Variants in CAMK2D observed in about 807,000 individuals in gnomAD.
CAMK2D encodes the protein calcium/calmodulin-dependent protein kinase type II subunit delta.
In CAMK2D, 37 loss-of-function variants were observed where a neutral mutation model predicts 84.0. The observed-to-expected ratio is 0.44, with a 90% CI of 0.34 to 0.58. CAMK2D has a LOEUF of 0.58. Among genes scored for constraint, CAMK2D ranks in the 20% least tolerant of loss-of-function variants. The pLI is 0.02. For missense variants in CAMK2D, 448 were observed against 652.5 expected, an observed-to-expected ratio of 0.69 and a Z score of 3.41; for synonymous variants, 202 against 212.5, an observed-to-expected ratio of 0.95 and a Z score of 0.43.
intron 5 of CAMK2D, chr4:113,548,599 TC>T (rs1298463465): frequency 1.2e-6 from 1 of 846,824 alleles, no homozygotes; most frequent in African/African-American, 1.7e-5. Context: ...CTCTGCCCTT[TC>T]CCCAGAAAAA....
intron 16 of CAMK2D, among the ~76,000 whole-genome samples, chr4:113,492,051 C>G (rs187887): frequency 7.0e-4 from 107 of 151,922 alleles, no homozygotes; most frequent in South Asian, 2.3e-3. Context: ...TATTAGTCTT[C>G]CTAGCGGTCT....
At position 113,503,164 on chromosome 4, in the gene CAMK2D, G is replaced by A. The variant is rs1475839245; in HGVS notation, c.1045-187C>T. The A allele has an allele frequency of 5.5e-6, 4 of 724,562 alleles. No homozygotes were observed. The Admixed American group carries it at 7.4e-5, about 13-fold the overall frequency. 44.9% of individuals were successfully genotyped at this position (724,562 alleles called of 1,614,324 possible). On this transcript the variant is annotated intron_variant, in intron 14 of 20. Transcript: ENST00000511664. ...TGAAAGATCTCCCTGGCGAGGCCAT[G>A]AGATAGGAACCTCCCTACCCAGAAG...
chr4:113,677,098 A>C (rs1202907169), intron 2 of CAMK2D, among the ~76,000 whole-genome samples: 1 of 152,188 alleles, frequency 6.6e-6, no homozygotes, highest in Non-Finnish European at 1.5e-5. Context: ...CTGCTGGAAT[A>C]CTAATCGCTC....
intron 2 of CAMK2D, among the ~76,000 whole-genome samples, chr4:113,701,499 T>C (rs995096056): frequency 6.6e-6 from 1 of 152,174 alleles, no homozygotes; most frequent in African/African-American, 2.4e-5. Flanking sequence ...GCCAAAGCAC[T>C]GGTCCAAGGA....
chr4:113,562,155 T>C (rs1332044262), intron 4 of CAMK2D, among the ~76,000 whole-genome samples: 2 of 152,234 alleles, frequency 1.3e-5, no homozygotes, highest in Non-Finnish European at 2.9e-5. Flanking sequence ...CTAGTCTGAA[T>C]AGCCATATTT....
intron 16 of CAMK2D, among the ~76,000 whole-genome samples, chr4:113,469,323 G>A (rs2097518655): frequency 6.6e-6 from 1 of 152,172 alleles, no homozygotes; most frequent in Admixed American, 6.5e-5. Context: ...ATTGCCCAAA[G>A]GTATGGAGTT....
chr4:113,691,480 C>T (rs1406692873), intron 2 of CAMK2D, among the ~76,000 whole-genome samples: 7 of 152,146 alleles, frequency 4.6e-5, no homozygotes, highest in African/African-American at 1.7e-4. Context: ...GTCAGGGGCA[C>T]AGTGGCTCAC....
In CAMK2D at chr4:113,535,004, C is replaced by T. The variant is rs570605600; in HGVS notation, c.517+2337G>A. The stretch of plus-strand genomic sequence containing the variant: ...ATAAAACATTAAGCTCAAAAACAGA[C>T]GAGATTTAAGGAGCTTGATTCCAAC... On this transcript the variant is annotated intron_variant, in intron 7 of 20. Transcript: ENST00000511664. 1.0e-3 allele frequency among the ~76,000 whole-genome samples: 157 copies of T among 152,206 alleles called. 1 individual carries two copies. Among genetic ancestry groups the T allele is most frequent in the African/African-American group, 3.2e-3 (133 of 41,544 alleles).
chr4:113,725,965 T>C (rs2099544573), intron 2 of CAMK2D, among the ~76,000 whole-genome samples: 1 of 152,214 alleles, frequency 6.6e-6, no homozygotes, highest in African/African-American at 2.4e-5. Flanking sequence ...GATGTTTGAA[T>C]ACTATGGTCA....
chr4:113,530,787 A>G (rs576378152), intron 8 of CAMK2D, among the ~76,000 whole-genome samples: 38 of 152,288 alleles, frequency 2.5e-4, no homozygotes, highest in African/African-American at 8.9e-4. Flanking sequence ...CACAACTGTG[A>G]GAAATAAATT....
chr4:113,553,391 TG>T (rs2098643471), intron 4 of CAMK2D, among the ~76,000 whole-genome samples: 1 of 152,228 alleles, frequency 6.6e-6, no homozygotes. Flanking sequence ...TAGAGCTTCA[TG>T]TATGAATACT....
chr4:113,457,738 A>G (rs1291950334), intron 18 of CAMK2D, among the ~76,000 whole-genome samples, 175 bp from the exon 19 acceptor site: 1 of 152,236 alleles, frequency 6.6e-6, no homozygotes, highest in Non-Finnish European at 1.5e-5. Context: ...CAAAGCAAAA[A>G]AAGAATGAAA....
At chr4:113,748,519 T>C (rs907859397) in intron 2 of CAMK2D, among the ~76,000 whole-genome samples, 3 of 152,092 alleles carry the variant, frequency 2.0e-5, no homozygotes, top group Admixed American at 1.3e-4. Flanking sequence ...AGAATGTCTA[T>C]AATAGTGCCA....
At chr4:113,478,310 TGTA>T (rs1344349383) in intron 16 of CAMK2D, among the ~76,000 whole-genome samples, 1 of 152,190 alleles carries the variant, frequency 6.6e-6, no homozygotes, top group Non-Finnish European at 1.5e-5. Context: ...GTTACAAAAT[TGTA>T]GTACAGATTT....
At chr4:113,696,494 C>A (rs1217726859) in intron 2 of CAMK2D, among the ~76,000 whole-genome samples, 1 of 151,886 alleles carries the variant, frequency 6.6e-6, no homozygotes, top group Non-Finnish European at 1.5e-5. Flanking sequence ...AAAAAATCAC[C>A]CAAAATCAAT....
intron 13 of CAMK2D, among the ~76,000 whole-genome samples, chr4:113,507,290 G>T (rs1232129993): frequency 1.3e-5 from 2 of 150,764 alleles, no homozygotes; most frequent in African/African-American, 4.9e-5. Context: ...CGCTCTTGTT[G>T]CCCAGGCTGG....
intron 2 of CAMK2D, among the ~76,000 whole-genome samples, chr4:113,708,955 C>A (rs1237186430): frequency 6.6e-6 from 1 of 152,070 alleles, no homozygotes; most frequent in African/African-American, 2.4e-5. Context: ...CTCCTGGCCT[C>A]AAGTGATCTA....
intron 8 of CAMK2D, among the ~76,000 whole-genome samples, chr4:113,525,194 T>A (rs932636169): frequency 3.3e-5 from 5 of 152,180 alleles, no homozygotes; most frequent in Admixed American, 2.0e-4. Context: ...AAGGTACATT[T>A]GTGACAGCCA....
chr4:113,508,294 G>GAAA, intron 13 of CAMK2D: 1 of 1,502,756 alleles, frequency 6.7e-7, no homozygotes, highest in Non-Finnish European at 9.0e-7. Flanking sequence ...AAAGAGAAAG[G>GAAA]AAAAGAAAAA....
Sources: gnomAD v4.1 joint callset for allele counts (sites outside exome capture counted in the v4.1 genomes callset) on GRCh38, gnomAD v4.1.1 for gene constraint, MANE v1.5 for transcripts, NCBI Gene and HGNC (gene_info 2026-07-23, HGNC 2026-07-21) for gene names.